ECSIT: variants seen among roughly 807,000 people sequenced by gnomAD.
ECSIT encodes evolutionarily conserved signaling intermediate in Toll pathway, mitochondrial.
Under a neutral mutation model 36.8 loss-of-function variants are expected in ECSIT, and 29 were observed. The observed-to-expected ratio is 0.79, with a 90% CI of 0.59 to 1.08. The LOEUF (loss-of-function observed/expected upper bound fraction) is 1.08, where lower values mean the gene tolerates loss of function less well. Ranked by LOEUF, ECSIT falls within the 50% of genes least tolerant of loss-of-function variation. The pLI is 0.00. For missense variants in ECSIT, 542 were observed against 581.0 expected, an observed-to-expected ratio of 0.93 and a Z score of 0.69; for synonymous variants, 231 against 234.8, an observed-to-expected ratio of 0.98 and a Z score of 0.15.
chr19:11,508,118 CAGAA>C lies in ECSIT; in HGVS notation c.739-74_739-71del, dbSNP rs576106238. ...TACAGAGGAACTGGGGACAGAGAAA[CAGAA>C]AGGGGGATACCAGGGAATTCAGGAC... On this transcript the variant is annotated intron_variant, in intron 4 of 7. Coordinates refer to ENST00000270517, the MANE Select transcript of ECSIT (RefSeq NM_016581.5). The C allele has an allele frequency of 1.1e-5, 18 of 1,577,350 alleles. No homozygotes were observed. In the African/African-American group the frequency reaches 1.9e-4, roughly 17 times the overall value.
chr19:11,513,727 G>C, intron 3 of ECSIT, 77 bp downstream of exon 3: 1 of 1,527,692 alleles, frequency 6.5e-7, no homozygotes, highest in African/African-American at 1.4e-5. Context: ...GAGGAAGGAG[G>C]GGCTGAGACT....
intron 3 of ECSIT, 61 bp downstream of exon 3, chr19:11,513,743 G>A (rs1336913428): frequency 6.3e-7 from 1 of 1,589,502 alleles, no homozygotes; most frequent in East Asian, 2.2e-5. Context: ...AGACTCAGGA[G>A]AGGTGCTGCC....
chr19:11,522,081 C>T (rs960999467), intron 1 of ECSIT: 6 of 351,068 alleles, frequency 1.7e-5, no homozygotes, highest in South Asian at 2.5e-5. Flanking sequence ...CTGATCATGT[C>T]GTTGCCAAGT....
intron 2 of ECSIT, among the ~76,000 whole-genome samples, chr19:11,517,856 G>A (rs1409765200): frequency 2.0e-5 from 3 of 151,972 alleles, no homozygotes; most frequent in African/African-American, 7.3e-5. Flanking sequence ...GGTCACTATG[G>A]GTATAGGAAA....
intron 4 of ECSIT, among the ~76,000 whole-genome samples, chr19:11,509,069 AT>A (rs140542540): frequency 0.14 from 18,769 of 136,396 alleles, 2,473 homozygotes; most frequent in African/African-American, 0.36. Flanking sequence ...ACACTAGACA[AT>A]TTTTTTTTTT....
At chr19:11,518,989 G>T in intron 2 of ECSIT, 86 bp downstream of exon 2, 1 of 1,167,794 alleles carries the variant, frequency 8.6e-7, no homozygotes, top group Non-Finnish European at 1.3e-6. Context: ...ACCAGAACTG[G>T]CTTCACAGAG....
intron 1 of ECSIT, chr19:11,523,855 A>G (rs538405400): frequency 9.3e-6 from 5 of 537,926 alleles, no homozygotes; most frequent in African/African-American, 1.9e-5. Context: ...TGGCTCACAT[A>G]AAAAAATAAG....
intron 1 of ECSIT, among the ~76,000 whole-genome samples, chr19:11,528,408 C>T (rs1434927634): frequency 2.0e-5 from 3 of 152,232 alleles, no homozygotes; most frequent in East Asian, 1.9e-4. Context: ...TGCACCACTA[C>T]GCCCAGATAA....
chr19:11,513,051 G>A lies in ECSIT; in HGVS notation c.738+5C>T. The stretch of plus-strand genomic sequence containing the variant: ...GCAGCTGACGCTGTAGACAAGGGCG[G>A]ATACCTGGTAGATGGTGACCCTGGC... On this transcript the variant is annotated splice_donor_5th_base_variant and intron_variant, in intron 4 of 7. Transcript: ENST00000270517. The A allele has an allele frequency of 1.2e-6, 2 of 1,613,604 alleles. No individual in the cohort carries two copies. Among genetic ancestry groups the A allele is most frequent in the Non-Finnish European group, 1.7e-6 (2 of 1,179,942 alleles).
chr19:11,520,164 G>GT (rs1399242864), intron 1 of ECSIT, among the ~76,000 whole-genome samples: 5 of 151,368 alleles, frequency 3.3e-5, no homozygotes, highest in Non-Finnish European at 2.9e-5. Flanking sequence ...CACTTGACAT[G>GT]TTTTTTTTCT....
At chr19:11,507,641 C>T in intron 6 of ECSIT, 61 bp downstream of exon 6, 1 of 1,613,718 alleles carries the variant, frequency 6.2e-7, no homozygotes, top group South Asian at 1.1e-5. Flanking sequence ...CTCCCATGCA[C>T]CCTCAGGGTA....
chr19:11,513,513 C>T (rs1038042348), intron 3 of ECSIT, among the ~76,000 whole-genome samples: 4 of 144,412 alleles, frequency 2.8e-5, no homozygotes, highest in African/African-American at 1.1e-4. Context: ...AGTGAGACCC[C>T]ATTTCTAAAA....
At chr19:11,522,063 C>A (rs1255601365) in intron 1 of ECSIT, 1 of 336,818 alleles carries the variant, frequency 3.0e-6, no homozygotes. Flanking sequence ...ACATGCGAAT[C>A]TTTGCACCTG....
At chr19:11,511,891 G>T (rs1347683461) in intron 4 of ECSIT, among the ~76,000 whole-genome samples, 1 of 151,938 alleles carries the variant, frequency 6.6e-6, no homozygotes, top group Non-Finnish European at 1.5e-5. Context: ...AAATTAGCTG[G>T]GCCTGGTGGT....
rs759797788 is a variant in ECSIT, at chr19:11,506,352, G to T, written c.1128C>A (p.Gly376=). 1.4e-5 allele frequency: 23 copies of T among 1,613,480 alleles called. No homozygotes were observed. Among genetic ancestry groups the T allele is most frequent in the Non-Finnish European group, 1.4e-5 (17 of 1,179,896 alleles). Residue 376 remains glycine (G), a synonymous_variant, in exon 8 of 8, where the codon GGC becomes GGA. Transcript: ENST00000270517. ...DQATMAKWIQ[G]LQETNPTLAQ... Reference sequence around the variant, plus strand: ...CCAGGGTTGGGTTGGTCTCCTGCAGGCCCTGGATCCACTTAGCCATCGTCG... The same window carrying T: ...CCAGGGTTGGGTTGGTCTCCTGCAGTCCCTGGATCCACTTAGCCATCGTCG...
chr19:11,523,747 T>C (rs929359896), intron 1 of ECSIT: 8 of 684,660 alleles, frequency 1.2e-5, no homozygotes, highest in Non-Finnish European at 2.2e-5. Context: ...AAGTGGTTGG[T>C]TGCAGTTGTG....
At chr19:11,512,857 C>T (rs998721574) in intron 4 of ECSIT, among the ~76,000 whole-genome samples, 199 bp downstream of exon 4, 17 of 151,984 alleles carry the variant, frequency 1.1e-4, no homozygotes, top group Admixed American at 5.9e-4. Flanking sequence ...GTGGAAAGAT[C>T]GCTTGAGCCT....
intron 4 of ECSIT, among the ~76,000 whole-genome samples, chr19:11,511,660 G>A (rs1410198719): frequency 6.6e-6 from 1 of 152,154 alleles, no homozygotes; most frequent in Non-Finnish European, 1.5e-5. Flanking sequence ...AATGCAATAG[G>A]ATTAAGAGGT....
Position 11,505,978 on chromosome 19 carries a change from C to T in ECSIT, c.*206G>A. On this transcript the variant is annotated 3_prime_UTR_variant, in exon 8 of 8. Transcript: ENST00000270517. ...CCCCTTTTTATTTGAATTCGGAGAA[C>T]CAGAGGCGCCTGCAGATTCTGGAGG... 1 of 977,988 alleles carries T rather than the reference C, an allele frequency of 1.0e-6. No individual in the cohort carries two copies. Among genetic ancestry groups the T allele is most frequent in the Non-Finnish European group, 1.5e-6 (1 of 676,010 alleles). 60.6% of individuals were successfully genotyped at this position (977,988 alleles called of 1,614,324 possible).
Sources: gnomAD v4.1 joint callset for allele counts (sites outside exome capture counted in the v4.1 genomes callset) on GRCh38, gnomAD v4.1.1 for gene constraint, MANE v1.5 for transcripts, NCBI Gene and HGNC (gene_info 2026-07-23, HGNC 2026-07-21) for gene names.